APBA1: variants seen among roughly 807,000 people sequenced by gnomAD.
APBA1 encodes amyloid beta precursor protein binding family A member 1.
In APBA1, 55 loss-of-function variants were observed where a neutral mutation model predicts 86.6. The ratio of observed to expected loss-of-function variants is 0.64; its 90% CI spans 0.51 to 0.80. The LOEUF is 0.80. Among genes scored for constraint, APBA1 ranks in the 30% least tolerant of loss-of-function variants. APBA1 has a pLI of 0.00. For synonymous variants in APBA1, 511 were observed against 493.9 expected (o/e 1.03, Z -0.46); for missense variants, 1,090 against 1,183.0 (o/e 0.92, Z 1.15).
At chr9:69,613,322 T>C (rs1822627199) in intron 1 of APBA1, among the ~76,000 whole-genome samples, 1 of 152,190 alleles carries the variant, frequency 6.6e-6, no homozygotes, top group Non-Finnish European at 1.5e-5. Flanking sequence ...CTGCAACTTA[T>C]TCCTGTTTAA....
intron 1 of APBA1, among the ~76,000 whole-genome samples, chr9:69,647,879 G>A (rs1368354515): frequency 6.6e-6 from 1 of 152,216 alleles, no homozygotes; most frequent in Non-Finnish European, 1.5e-5. Context: ...TAATAAAATA[G>A]GCAGACTGTT....
At chr9:69,663,693 A>G (rs1823793871) in intron 1 of APBA1, among the ~76,000 whole-genome samples, 1 of 152,190 alleles carries the variant, frequency 6.6e-6, no homozygotes, top group East Asian at 1.9e-4. Context: ...TATTTGCTGT[A>G]TTTTTCATAC....
intron 1 of APBA1, among the ~76,000 whole-genome samples, chr9:69,599,860 G>C (rs1822312407): frequency 6.6e-6 from 1 of 152,206 alleles, no homozygotes; most frequent in Admixed American, 6.5e-5. Flanking sequence ...CGCTCGAAGG[G>C]AGAGGACGAT....
chr9:69,636,083 A>C (rs1472791558), intron 1 of APBA1, among the ~76,000 whole-genome samples: 1 of 152,242 alleles, frequency 6.6e-6, no homozygotes, highest in Non-Finnish European at 1.5e-5. Flanking sequence ...GTTTAAAAAC[A>C]GGCAAAGGAT....
chr9:69,531,209 G>A (rs2133906742), intron 1 of APBA1, among the ~76,000 whole-genome samples: 1 of 152,222 alleles, frequency 6.6e-6, no homozygotes, highest in East Asian at 1.9e-4. Flanking sequence ...ATGGCTAGTG[G>A]CTACCATGAC....
chr9:69,656,401 A>C (rs993537713), intron 1 of APBA1, among the ~76,000 whole-genome samples: 2 of 152,248 alleles, frequency 1.3e-5, no homozygotes, highest in African/African-American at 2.4e-5. Flanking sequence ...CAATGGATTA[A>C]ACAGCAAAAA....
At chr9:69,525,862 A>T (rs1588341491) in intron 1 of APBA1, among the ~76,000 whole-genome samples, 1 of 152,266 alleles carries the variant, frequency 6.6e-6, no homozygotes, top group East Asian at 1.9e-4. Flanking sequence ...CTTGTACAAA[A>T]ACAGACACAT....
rs1465993877 is a variant in APBA1, at chr9:69,511,633, C to T, written c.1200+4378G>A. Among the ~76,000 whole-genome samples the T allele has an allele frequency of 1.3e-3, 192 of 151,648 alleles. 1 individual carries two copies. Among genetic ancestry groups the T allele is most frequent in the African/African-American group, 4.3e-3 (177 of 41,050 alleles). On this transcript the variant is annotated intron_variant, in intron 2 of 12. Transcript: ENST00000265381. ...AAAGACACATGCACACGTATGTTTA[C>T]TGCGGCATTATTCACAATAGCAAAG...
chr9:69,492,802 C>A (rs564186909), intron 2 of APBA1, among the ~76,000 whole-genome samples: 1 of 152,180 alleles, frequency 6.6e-6, no homozygotes, highest in East Asian at 1.9e-4. Flanking sequence ...GTGAAATACC[C>A]CAGCAAGCCC....
At chr9:69,499,700 G>A (rs1835853032) in intron 2 of APBA1, among the ~76,000 whole-genome samples, 2 of 150,906 alleles carry the variant, frequency 1.3e-5, no homozygotes, top group African/African-American at 4.9e-5. Flanking sequence ...GTGGCATGCT[G>A]AATTCAGGGC....
At chr9:69,591,837 C>G (rs915959709) in intron 1 of APBA1, among the ~76,000 whole-genome samples, 4 of 152,198 alleles carry the variant, frequency 2.6e-5, no homozygotes, top group Non-Finnish European at 5.9e-5. Flanking sequence ...GTGATAGGTA[C>G]AGTGCATGTT....
chr9:69,595,423 C>T (rs1460475522), intron 1 of APBA1, among the ~76,000 whole-genome samples: 2 of 152,242 alleles, frequency 1.3e-5, no homozygotes, highest in African/African-American at 4.8e-5. Flanking sequence ...TGGCACACAC[C>T]TCTGAGATTG....
intron 1 of APBA1, among the ~76,000 whole-genome samples, chr9:69,594,719 C>T (rs1822196015): frequency 6.6e-6 from 1 of 152,066 alleles, no homozygotes; most frequent in South Asian, 2.1e-4. Flanking sequence ...TGATTGACTG[C>T]CCAAAGAGTT....
rs1416947301 is a variant in APBA1 at position 69,517,233 on chromosome 9, A to G, written c.-23T>C. 2 of 1,444,358 alleles carry G rather than the reference A, an allele frequency of 1.4e-6. No homozygotes were observed. The highest frequency in any genetic ancestry group is 2.9e-5 in the African/African-American group (2 of 68,018). The allele number at this position is 1,444,358 out of a possible 1,614,324, so 89.5% of individuals were successfully genotyped here. ...CATGGTGGGAGTCGGAACGGCTAGG[A>G]GAGAAGCTGGGCCCGGCTCACTGCG... On this transcript the variant is annotated 5_prime_UTR_variant, in exon 2 of 13. Coordinates refer to ENST00000265381, the MANE Select transcript of APBA1 (RefSeq NM_001163.4).
intron 1 of APBA1, among the ~76,000 whole-genome samples, chr9:69,548,979 C>T (rs949535634): frequency 5.9e-5 from 9 of 152,178 alleles, no homozygotes; most frequent in Non-Finnish European, 1.2e-4. Context: ...GGGAACCAGA[C>T]CTCTTAGAGT....
intron 2 of APBA1, among the ~76,000 whole-genome samples, chr9:69,487,346 G>A (rs1211948220): frequency 6.6e-6 from 1 of 152,086 alleles, no homozygotes; most frequent in Non-Finnish European, 1.5e-5. Flanking sequence ...TCTTTCAGGG[G>A]AGACAAACCT....
At chr9:69,452,765 C>G (rs545266264) in intron 8 of APBA1, among the ~76,000 whole-genome samples, 2 of 152,322 alleles carry the variant, frequency 1.3e-5, no homozygotes, top group South Asian at 4.1e-4. Context: ...ATAATACCGT[C>G]TGAATTGAGA....
intron 3 of APBA1, among the ~76,000 whole-genome samples, chr9:69,475,220 C>G (rs542960866): frequency 6.6e-6 from 1 of 152,216 alleles, no homozygotes; most frequent in East Asian, 1.9e-4. Context: ...TGAAATGCTC[C>G]ACATAAGCAA....
chr9:69,562,600 C>T (rs906045801), intron 1 of APBA1, among the ~76,000 whole-genome samples: 1 of 152,140 alleles, frequency 6.6e-6, no homozygotes, highest in Non-Finnish European at 1.5e-5. Context: ...GTCTTGAACT[C>T]CTGACCTCAT....
Sources: allele counts gnomAD v4.1 joint callset (sites outside exome capture counted in the v4.1 genomes callset), GRCh38; gene constraint gnomAD v4.1.1; transcripts MANE v1.5; gene names NCBI Gene and HGNC (gene_info 2026-07-23, HGNC 2026-07-21).